NF1: variants seen among roughly 807,000 people sequenced by gnomAD.
NF1 encodes neurofibromin.
In NF1, 122 loss-of-function variants were observed where a neutral mutation model predicts 325.7. The observed-to-expected ratio is 0.37, with a 90% CI of 0.32 to 0.44. The LOEUF is 0.44. Among genes scored for constraint, NF1 ranks in the 20% least tolerant of loss-of-function variants. The probability of loss-of-function intolerance (pLI) is 1.00; values close to 1 mark genes in which losing one functional copy is unlikely to be tolerated. For synonymous variants in NF1, 1,091 were observed against 1,186.0 expected, an observed-to-expected ratio of 0.92 and a Z score of 1.65; for missense variants, 2,140 against 3,415.4, an observed-to-expected ratio of 0.63 and a Z score of 9.31.
At chr17:31,130,913 A>C (rs986176788) in intron 1 of NF1, among the ~76,000 whole-genome samples, 2 of 152,140 alleles carry the variant, frequency 1.3e-5, no homozygotes, top group Non-Finnish European at 1.5e-5. Context: ...GCTTTTCCAC[A>C]GGGATCACTG....
Position 31,336,527 on chromosome 17 carries a change from G to A in NF1, c.6147+54G>A, listed in dbSNP as rs2151553830. 1 of 1,610,796 alleles carries A rather than the reference G, an allele frequency of 6.2e-7. No homozygotes were observed. Among genetic ancestry groups the A allele is most frequent in the South Asian group, 1.1e-5 (1 of 90,642 alleles). Reference sequence around the variant, plus strand: ...TATAGCATATCTGTTTTATCATCAGGAGGTTTTTTGTTTTGTAATTACTTT... The same window carrying A: ...TATAGCATATCTGTTTTATCATCAGAAGGTTTTTTGTTTTGTAATTACTTT... On this transcript the variant is annotated intron_variant, in intron 41 of 57. Coordinates refer to ENST00000358273, the MANE Select transcript of NF1 (RefSeq NM_001042492.3). This position sits in a 1 kb window ranked among gnomAD's most constrained non-coding sequence, Gnocchi z 5.5.
chr17:31,095,650 C>T (rs1485624716), intron 1 of NF1, among the ~76,000 whole-genome samples: 2 of 152,172 alleles, frequency 1.3e-5, no homozygotes, highest in Non-Finnish European at 2.9e-5. Context: ...TTTATCCCAG[C>T]CCTTCCGCTT....
At chr17:31,129,947 C>T (rs1260157414) in intron 1 of NF1, among the ~76,000 whole-genome samples, 4 of 152,098 alleles carry the variant, frequency 2.6e-5, no homozygotes, top group South Asian at 2.1e-4. Flanking sequence ...GAACCCTTGC[C>T]GGAGAGCTAG....
Position 31,350,215 on chromosome 17 carries a change from C to T in NF1, c.7354C>T (p.Arg2452Cys), listed in dbSNP as rs377662483. Residue 2452 changes from arginine (R) to cysteine (C), a missense_variant, in exon 50 of 58, where the codon CGC becomes TGC. By Grantham distance (180) the Arg-to-Cys change is radical. Transcript: ENST00000358273. ...LLTVSEEVRS[R>C]CSLKHRKSLL... ...TACAGTGTCTGAAGAAGTTCGAAGT[C>T]GCTGCAGCCTAAAACATAGAAAGTC... The T allele has an allele frequency of 1.9e-5, 30 of 1,613,944 alleles. No homozygotes were observed. The Admixed American group carries it at 2.3e-4, about 13-fold the overall frequency.
At chr17:31,162,861 G>C (rs1198101583) in intron 3 of NF1, among the ~76,000 whole-genome samples, 1 of 152,138 alleles carries the variant, frequency 6.6e-6, no homozygotes, top group African/African-American at 2.4e-5. Context: ...TGTAATTGTA[G>C]AACTCACAGC....
At chr17:31,260,127 C>G (rs1383150335) in intron 33 of NF1, among the ~76,000 whole-genome samples, 1 of 152,144 alleles carries the variant, frequency 6.6e-6, no homozygotes, top group African/African-American at 2.4e-5. Context: ...TTTCATCCAT[C>G]TTAATTTTGT....
At chr17:31,288,375 C>T (rs1372857376) in intron 36 of NF1, among the ~76,000 whole-genome samples, 3 of 152,108 alleles carry the variant, frequency 2.0e-5, no homozygotes, top group Non-Finnish European at 4.4e-5. Context: ...TTATTAACAC[C>T]TTAACATGAC....
rs71142032 is a variant in NF1, at chr17:31,181,801, A to ATT, written c.730+31_730+32dup. 0.036 allele frequency: 44,057 copies of ATT among 1,209,328 alleles called. 10 individuals carry two copies. The highest frequency in any genetic ancestry group is 0.058 in the South Asian group (4,154 of 72,134). The allele number at this position is 1,209,328 out of a possible 1,614,324, so 74.9% of individuals were successfully genotyped here. ...GATATGGCTGGTAAGGATACGATTG[A>ATT]TTTTTTTTTTTTTTTTGTCTTTTAA... is the stretch of plus-strand genomic sequence containing the variant. On this transcript the variant is annotated intron_variant, in intron 7 of 57. Transcript: ENST00000358273.
intron 1 of NF1, among the ~76,000 whole-genome samples, chr17:31,106,800 A>G (rs909116454): frequency 6.6e-6 from 1 of 152,208 alleles, no homozygotes; most frequent in Non-Finnish European, 1.5e-5. Context: ...ATTTAGTTAT[A>G]TAATACACTT....
At chr17:31,152,437 A>G (rs530554703) in intron 1 of NF1, among the ~76,000 whole-genome samples, 7 of 149,774 alleles carry the variant, frequency 4.7e-5, no homozygotes, top group Non-Finnish European at 1.0e-4. Flanking sequence ...CTCCTGTTAT[A>G]TGTATGTTGA....
At chr17:31,217,373 G>A (rs1450928890) in intron 13 of NF1, among the ~76,000 whole-genome samples, 1 of 151,294 alleles carries the variant, frequency 6.6e-6, no homozygotes, top group Admixed American at 6.6e-5. Context: ...GTGCAGTGGT[G>A]TGATCTCAGC....
intron 30 of NF1, chr17:31,250,090 G>A (rs2067469285): frequency 1.3e-5 from 6 of 479,392 alleles, no homozygotes; most frequent in Non-Finnish European, 2.1e-5. Flanking sequence ...TATTTTTAAA[G>A]ATGTATCTGT....
At chr17:31,161,900 G>A (rs2065767021) in intron 3 of NF1, among the ~76,000 whole-genome samples, 1 of 151,740 alleles carries the variant, frequency 6.6e-6, no homozygotes, top group African/African-American at 2.4e-5. Flanking sequence ...GCCAGATGTG[G>A]TGGCACATGT....
chr17:31,192,873 TC>T (rs2066370932), intron 8 of NF1, among the ~76,000 whole-genome samples: 1 of 152,210 alleles, frequency 6.6e-6, no homozygotes, highest in African/African-American at 2.4e-5. Flanking sequence ...GGGCATGACT[TC>T]CTAGACCCCT....
intron 46 of NF1, 46 bp from the exon 47 acceptor site, chr17:31,340,459 A>G (rs2069787186): frequency 3.1e-6 from 5 of 1,613,282 alleles, no homozygotes; most frequent in Non-Finnish European, 4.2e-6. Flanking sequence ...GAAAGAGACT[A>G]TGTCATGATT....
intron 18 of NF1, 134 bp from the exon 19 acceptor site, chr17:31,227,084 A>C: frequency 1.1e-6 from 1 of 884,038 alleles, no homozygotes; most frequent in Non-Finnish European, 1.9e-6. Flanking sequence ...GGTTAGTGAA[A>C]GGAAGTTTTT....
In NF1 at chr17:31,206,316, C is replaced by T. The variant is rs1389152072; in HGVS notation, c.1337C>T (p.Thr446Ile). Residue 446 changes from threonine (T) to isoleucine (I), a missense_variant, in exon 12 of 58, where the codon ACA (threonine) becomes ATA (isoleucine). Around this residue, in one of 10 missense-constraint regions of NF1, gnomAD observed 179 missense variants for 381.0 expected, o/e 0.47. Coordinates refer to ENST00000358273, the MANE Select transcript of NF1 (RefSeq NM_001042492.3). ...SVELRNMFGE[T>I]LHKAVQGCGA... ...GAACTTCGAAATATGTTTGGTGAAACACTTCATAAAGCAGTGCAAGGTTGT... is the reference window on the plus strand; with the variant it reads ...GAACTTCGAAATATGTTTGGTGAAATACTTCATAAAGCAGTGCAAGGTTGT... 1.2e-6 allele frequency: 2 copies of T among 1,613,854 alleles called. No individual in the cohort carries two copies. Among genetic ancestry groups the T allele is most frequent in the East Asian group, 2.2e-5 (1 of 44,872 alleles).
intron 1 of NF1, among the ~76,000 whole-genome samples, chr17:31,135,002 CA>C (rs1453938961): frequency 6.6e-6 from 1 of 152,154 alleles, no homozygotes; most frequent in East Asian, 1.9e-4. Context: ...CATAAGCATA[CA>C]GTCCATTTTT....
At chr17:31,137,969 T>C (rs1212617494) in intron 1 of NF1, 3 of 152,086 alleles carry the variant, frequency 2.0e-5, no homozygotes, top group Non-Finnish European at 2.9e-5. Flanking sequence ...TTTTCTTTTC[T>C]AGAATCCTTG....
Sources: allele counts gnomAD v4.1 joint callset (sites outside exome capture counted in the v4.1 genomes callset), GRCh38; gene constraint gnomAD v4.1.1; regional missense constraint gnomAD v4.1.1; non-coding constraint Gnocchi (gnomAD v3.1); transcripts MANE v1.5; gene names NCBI Gene and HGNC (gene_info 2026-07-23, HGNC 2026-07-21).